TSPAN18: variants seen among roughly 807,000 people sequenced by gnomAD.
The protein encoded by TSPAN18 is tetraspanin 18.
Under a neutral mutation model 27.3 loss-of-function variants are expected in TSPAN18, and 14 were observed. The ratio of observed to expected loss-of-function variants is 0.51; its 90% CI spans 0.34 to 0.80. The LOEUF (loss-of-function observed/expected upper bound fraction) is 0.80. Ranked by LOEUF, TSPAN18 falls within the 30% of genes least tolerant of loss-of-function variation. The probability of loss-of-function intolerance (pLI) is 0.01; values close to 1 mark genes in which losing one functional copy is unlikely to be tolerated. For missense variants in TSPAN18, 268 were observed against 323.9 expected, an observed-to-expected ratio of 0.83 and a Z score of 1.32; for synonymous variants, 143 against 136.5, an observed-to-expected ratio of 1.05 and a Z score of -0.33.
intron 3 of TSPAN18, among the ~76,000 whole-genome samples, chr11:44,902,499 G>A (rs1334525919): frequency 6.6e-6 from 1 of 152,232 alleles, no homozygotes; most frequent in Non-Finnish European, 1.5e-5. Context: ...GGTGACGAAG[G>A]AAGAGCCAAA....
intron 2 of TSPAN18, among the ~76,000 whole-genome samples, chr11:44,851,196 G>T (rs1201161738): frequency 6.6e-6 from 1 of 152,252 alleles, no homozygotes; most frequent in South Asian, 2.1e-4. Context: ...ATCACACACA[G>T]CCTGAGCAGT....
chr11:44,868,724 G>T (rs1323748868), intron 3 of TSPAN18, among the ~76,000 whole-genome samples: 1 of 152,172 alleles, frequency 6.6e-6, no homozygotes, highest in East Asian at 1.9e-4. Flanking sequence ...CACAACCAGG[G>T]TCCTGAGTCC....
At chr11:44,790,313 T>G (rs568714516) in intron 2 of TSPAN18, among the ~76,000 whole-genome samples, 12 of 142,278 alleles carry the variant, frequency 8.4e-5, no homozygotes, top group East Asian at 2.1e-4. Flanking sequence ...GTGCATGTGT[T>G]TGTGCATGCT....
chr11:44,831,405 C>T (rs1317298595), intron 2 of TSPAN18, among the ~76,000 whole-genome samples: 1 of 152,202 alleles, frequency 6.6e-6, no homozygotes, highest in Non-Finnish European at 1.5e-5. Context: ...TGCACTAGAG[C>T]TGACAAGTGT....
At chr11:44,740,759 G>T (rs1251456126) in intron 1 of TSPAN18, among the ~76,000 whole-genome samples, 1 of 152,180 alleles carries the variant, frequency 6.6e-6, no homozygotes, top group East Asian at 1.9e-4. Flanking sequence ...TCCAGTCTTG[G>T]TTTGGTTCTA....
intron 8 of TSPAN18, among the ~76,000 whole-genome samples, chr11:44,924,865 A>C (rs893136979): frequency 3.3e-5 from 5 of 152,272 alleles, no homozygotes; most frequent in Non-Finnish European, 5.9e-5. Flanking sequence ...CACGTTGTGC[A>C]CATGTACCCT....
chr11:44,736,299 A>T (rs983842230), intron 1 of TSPAN18: 3 of 152,216 alleles, frequency 2.0e-5, no homozygotes, highest in African/African-American at 7.2e-5. Context: ...TCTCCCAGGA[A>T]ACATCAGCAT....
At chr11:44,821,801 C>A (rs1856934293) in intron 2 of TSPAN18, among the ~76,000 whole-genome samples, 1 of 152,200 alleles carries the variant, frequency 6.6e-6, no homozygotes, top group South Asian at 2.1e-4. Context: ...CTAAATGATC[C>A]CTCAAGGTAG....
chr11:44,806,669 C>A (rs2135084692), intron 2 of TSPAN18, among the ~76,000 whole-genome samples: 1 of 152,272 alleles, frequency 6.6e-6, no homozygotes, highest in East Asian at 1.9e-4. Flanking sequence ...TTACTTGTTC[C>A]ACTATAAAAA....
At position 44,739,704 on chromosome 11, in the gene TSPAN18, A is replaced by G. The variant is rs149096988; in HGVS notation, c.-240+12417A>G. ...ATAAAGAGTAACATAGCAAGAGAAT[A>G]TGGAAATAAAACAAAAGCATATTCA... On this transcript the variant is annotated intron_variant, in intron 1 of 9. Transcript: ENST00000520358. 4.8e-3 allele frequency among the ~76,000 whole-genome samples: 724 copies of G among 152,330 alleles called. 7 individuals carry two copies. Among genetic ancestry groups the G allele is most frequent in the African/African-American group, 0.017 (699 of 41,572 alleles).
intron 3 of TSPAN18, among the ~76,000 whole-genome samples, chr11:44,885,632 T>G (rs916914756): frequency 6.6e-6 from 1 of 152,128 alleles, no homozygotes; most frequent in African/African-American, 2.4e-5. Context: ...GCTGGGATGT[T>G]TTTTATGGGG....
chr11:44,793,079 C>A (rs892092644), intron 2 of TSPAN18, among the ~76,000 whole-genome samples: 4 of 152,138 alleles, frequency 2.6e-5, no homozygotes, highest in Non-Finnish European at 5.9e-5. Context: ...CTAGGCCAAG[C>A]CCTGCGGGGT....
At chr11:44,885,726 C>T (rs891475983) in intron 3 of TSPAN18, among the ~76,000 whole-genome samples, 4 of 152,178 alleles carry the variant, frequency 2.6e-5, no homozygotes, top group South Asian at 2.1e-4. Context: ...TTCATTTCCT[C>T]GCAGGCTTTT....
intron 2 of TSPAN18, among the ~76,000 whole-genome samples, chr11:44,841,575 A>T (rs549791344): frequency 2.0e-5 from 3 of 151,746 alleles, no homozygotes; most frequent in East Asian, 1.9e-4. Context: ...ATATTTTTTT[A>T]AAATAAGAAA....
intron 1 of TSPAN18, among the ~76,000 whole-genome samples, chr11:44,753,914 C>T (rs1429808824): frequency 2.0e-5 from 3 of 152,228 alleles, no homozygotes; most frequent in African/African-American, 7.2e-5. Context: ...CACACTTAGT[C>T]TAGAAAACCA....
chr11:44,837,313 A>G (rs1011400969), intron 2 of TSPAN18, among the ~76,000 whole-genome samples: 1 of 152,230 alleles, frequency 6.6e-6, no homozygotes, highest in Non-Finnish European at 1.5e-5. Context: ...GTAACTGCAG[A>G]TGTGGTAGAA....
At chr11:44,870,141 C>T (rs967263837) in intron 3 of TSPAN18, among the ~76,000 whole-genome samples, 14 of 152,178 alleles carry the variant, frequency 9.2e-5, no homozygotes, top group Admixed American at 3.9e-4. Context: ...GGATATTATT[C>T]AATAGTCTGT....
chr11:44,875,220 C>A (rs1481863301), intron 3 of TSPAN18, among the ~76,000 whole-genome samples: 1 of 152,226 alleles, frequency 6.6e-6, no homozygotes, highest in Non-Finnish European at 1.5e-5. Flanking sequence ...ATTTACCAGG[C>A]TTTTCCAGAG....
chr11:44,861,015 A>T (rs1414763961), intron 3 of TSPAN18, among the ~76,000 whole-genome samples: 1 of 152,144 alleles, frequency 6.6e-6, no homozygotes, highest in Non-Finnish European at 1.5e-5. Flanking sequence ...ATATATTCCA[A>T]ATAATATATT....
Sources: allele counts gnomAD v4.1 joint callset (sites outside exome capture counted in the v4.1 genomes callset), GRCh38; gene constraint gnomAD v4.1.1; transcripts MANE v1.5; gene names NCBI Gene and HGNC (gene_info 2026-07-23, HGNC 2026-07-21).